KCNMA1: variants seen among roughly 807,000 people sequenced by gnomAD.
The protein encoded by KCNMA1 is potassium calcium-activated channel subfamily M alpha 1.
KCNMA1 carries 29 observed loss-of-function variants against 140.0 expected under a neutral mutation model. The observed-to-expected ratio is 0.21, with a 90% CI of 0.15 to 0.28. The LOEUF is 0.28. Ranked by LOEUF, KCNMA1 falls within the 10% of genes least tolerant of loss-of-function variation. KCNMA1 has a pLI of 1.00. For synonymous variants in KCNMA1, 612 were observed against 611.9 expected, an observed-to-expected ratio of 1.00 and a Z score of 0.00; for missense variants, 880 against 1,602.2, an observed-to-expected ratio of 0.55 and a Z score of 7.70.
chr10:77,415,362 T>TA (rs1256549225), intron 1 of KCNMA1, among the ~76,000 whole-genome samples: 1 of 152,140 alleles, frequency 6.6e-6, no homozygotes, highest in Non-Finnish European at 1.5e-5. Flanking sequence ...ATTGGATTAG[T>TA]AGAGTCCTCA....
At chr10:77,528,479 G>A (rs1482227979) in intron 1 of KCNMA1, among the ~76,000 whole-genome samples, 2 of 151,812 alleles carry the variant, frequency 1.3e-5, no homozygotes, top group Non-Finnish European at 2.9e-5. Context: ...GTGTGATGGC[G>A]GATACCTGTA....
chr10:77,296,973 G>A (rs375027936), intron 2 of KCNMA1, among the ~76,000 whole-genome samples: 22 of 151,774 alleles, frequency 1.4e-4, no homozygotes, highest in Non-Finnish European at 2.6e-4. Flanking sequence ...TGGGAAAGCC[G>A]TTTGTGAGCC....
Position 77,278,266 on chromosome 10 carries a change from CA to C in KCNMA1, c.541-27011del, listed in dbSNP as rs2067267548. ...GAATGTATTTTTTCTGATGGAGAGA[CA>C]AAATAAATGCCCAACAGATAGACAA... On this transcript the variant is annotated intron_variant, in intron 2 of 27. Coordinates refer to ENST00000286628, the MANE Select transcript of KCNMA1 (RefSeq NM_001161352.2). 4.6e-5 allele frequency among the ~76,000 whole-genome samples: 7 copies of C among 152,126 alleles called. No individual in the cohort carries two copies. The South Asian group carries it at 1.5e-3, about 32-fold the overall frequency.
rs60973582 is a variant in KCNMA1 at position 77,588,413 on chromosome 10, A to C, written c.378+48852T>G. On this transcript the variant is annotated intron_variant, in intron 1 of 27. Transcript: ENST00000286628. The stretch of plus-strand genomic sequence containing the variant: ...GATTGAGAGATCAAGACAGACAGGT[A>C]GGTCTGGAGTCCAGGGCCGTGGGAC... 1.9e-3 allele frequency among the ~76,000 whole-genome samples: 293 copies of C among 152,340 alleles called. 8 individuals carry two copies. In the East Asian group the frequency reaches 0.052, roughly 27 times the overall value.
At chr10:77,320,260 T>G (rs2081995506) in intron 2 of KCNMA1, among the ~76,000 whole-genome samples, 1 of 151,270 alleles carries the variant, frequency 6.6e-6, no homozygotes, top group Admixed American at 6.6e-5. Flanking sequence ...CTCTGGGAAG[T>G]GCATGAAAAA....
chr10:77,050,547 G>C (rs1401730258), intron 14 of KCNMA1, among the ~76,000 whole-genome samples: 3 of 152,316 alleles, frequency 2.0e-5, no homozygotes, highest in African/African-American at 7.2e-5. Flanking sequence ...ATGGAGTCCA[G>C]TGCTATCTAT....
intron 3 of KCNMA1, among the ~76,000 whole-genome samples, chr10:77,242,692 A>AT (rs1336512921): frequency 6.6e-6 from 1 of 152,174 alleles, no homozygotes; most frequent in African/African-American, 2.4e-5. Flanking sequence ...AGCATTATAC[A>AT]TAAGTACTCA....
intron 9 of KCNMA1, chr10:77,091,160 T>A (rs1188675594): frequency 6.5e-6 from 1 of 153,886 alleles, no homozygotes; most frequent in Non-Finnish European, 1.4e-5. Context: ...GGGATGCCTA[T>A]GGAATGGAAG....
chr10:77,067,986 T>C (rs1025613081), intron 14 of KCNMA1, among the ~76,000 whole-genome samples: 13 of 152,226 alleles, frequency 8.5e-5, no homozygotes, highest in Admixed American at 6.5e-4. Context: ...GCTAAGATGA[T>C]GGCACTAGCT....
downstream of KCNMA1, chr10:76,873,149 A>G (rs1227069483): frequency 6.6e-6 from 1 of 152,240 alleles, no homozygotes; most frequent in East Asian, 1.9e-4. Context: ...CAAGCTTACC[A>G]TAAAAATTGA....
At chr10:77,019,810 A>C (rs528571156) in intron 16 of KCNMA1, 3 of 152,280 alleles carry the variant, frequency 2.0e-5, no homozygotes, top group Admixed American at 6.5e-5. Context: ...AGCATGTCCT[A>C]ATTGAGGCAA....
chr10:77,503,935 A>G (rs1192047022), intron 1 of KCNMA1, among the ~76,000 whole-genome samples: 1 of 152,132 alleles, frequency 6.6e-6, no homozygotes, highest in Non-Finnish European at 1.5e-5. Flanking sequence ...TAAGTCAGGC[A>G]CTGAGGGAGG....
intron 19 of KCNMA1, among the ~76,000 whole-genome samples, chr10:76,975,987 T>C (rs561144882): frequency 2.6e-5 from 4 of 152,218 alleles, no homozygotes; most frequent in African/African-American, 7.2e-5. Flanking sequence ...ATCTCAAACA[T>C]ATACACCTCT....
intron 5 of KCNMA1, among the ~76,000 whole-genome samples, chr10:77,133,134 G>GAA (rs71477073): frequency 1.6e-4 from 18 of 114,540 alleles, no homozygotes; most frequent in Non-Finnish European, 2.7e-4. Flanking sequence ...ATAGCCTAGA[G>GAA]AAAAAAAAAA....
At chr10:77,066,245 A>G (rs2095941194) in intron 14 of KCNMA1, among the ~76,000 whole-genome samples, 1 of 152,142 alleles carries the variant, frequency 6.6e-6, no homozygotes, top group African/African-American at 2.4e-5. Context: ...GAGAGACATG[A>G]TGGTGGTTTG....
intron 1 of KCNMA1, among the ~76,000 whole-genome samples, chr10:77,511,543 T>C (rs115715840): frequency 1.8e-3 from 280 of 152,290 alleles, no homozygotes; most frequent in African/African-American, 4.5e-3. Context: ...ACAGCCTCTT[T>C]ATCTCTAAGG....
intron 3 of KCNMA1, among the ~76,000 whole-genome samples, chr10:77,190,973 T>C (rs2098933713): frequency 6.6e-6 from 1 of 152,156 alleles, no homozygotes; most frequent in Non-Finnish European, 1.5e-5. Flanking sequence ...CTCTTAATTA[T>C]GAACTAGATG....
At chr10:77,237,179 C>T (rs991535481) in intron 3 of KCNMA1, among the ~76,000 whole-genome samples, 4 of 152,192 alleles carry the variant, frequency 2.6e-5, no homozygotes, top group Non-Finnish European at 5.9e-5. Context: ...ATATCTAATA[C>T]TTTTTTTGGT....
chr10:77,554,597 CAAAA>C (rs59754706), intron 1 of KCNMA1, among the ~76,000 whole-genome samples: 1,081 of 84,064 alleles, frequency 0.013, 6 homozygotes, highest in East Asian at 0.066. Flanking sequence ...TACTCCATCT[CAAAA>C]AAAAAAAAAA....
Sources: allele counts gnomAD v4.1 joint callset (sites outside exome capture counted in the v4.1 genomes callset), GRCh38; gene constraint gnomAD v4.1.1; transcripts MANE v1.5; gene names NCBI Gene and HGNC (gene_info 2026-07-23, HGNC 2026-07-21).